The following PLCB1 variants were observed in gnomAD, a reference collection of about 807,000 sequenced individuals.
PLCB1 encodes phospholipase C beta 1, also known as 1-phosphatidylinositol 4,5-bisphosphate phosphodiesterase beta-1.
PLCB1 carries 46 observed loss-of-function variants against 161.8 expected under a neutral mutation model. The ratio of observed to expected loss-of-function variants is 0.28; its 90% CI spans 0.22 to 0.36. The LOEUF is 0.36. Ranked by LOEUF, PLCB1 falls within the 10% of genes least tolerant of loss-of-function variation. The pLI is 1.00. For missense variants in PLCB1, 1,016 were observed against 1,472.5 expected (o/e 0.69, Z 5.07); for synonymous variants, 517 against 503.7 (o/e 1.03, Z -0.35).
At chr20:8,434,562 A>T in intron 3 of PLCB1, among the ~76,000 whole-genome samples, 1 of 152,228 alleles carries the variant, frequency 6.6e-6, no homozygotes, top group South Asian at 2.1e-4. Flanking sequence ...TAGAAATATG[A>T]GAACTAATGT....
intron 3 of PLCB1, among the ~76,000 whole-genome samples, chr20:8,591,923 T>C (rs1987162401): frequency 6.6e-6 from 1 of 152,184 alleles, no homozygotes; most frequent in Admixed American, 6.5e-5. Context: ...AGAAGTGTTT[T>C]GAATTTCAAA....
At chr20:8,753,258 A>G (rs557814629) in intron 23 of PLCB1, among the ~76,000 whole-genome samples, 3 of 152,308 alleles carry the variant, frequency 2.0e-5, no homozygotes, top group Admixed American at 6.5e-5. Context: ...AATAATAGAA[A>G]TAAAGTGCAC....
chr20:8,506,187 T>C (rs971564563), intron 3 of PLCB1, among the ~76,000 whole-genome samples: 2 of 152,234 alleles, frequency 1.3e-5, no homozygotes, highest in Non-Finnish European at 2.9e-5. Flanking sequence ...TTTTGGAAGG[T>C]ATTATTTGCG....
intron 3 of PLCB1, among the ~76,000 whole-genome samples, chr20:8,558,459 G>T (rs1986035731): frequency 6.6e-6 from 1 of 151,768 alleles, no homozygotes; most frequent in South Asian, 2.1e-4. Context: ...ACACCATCAA[G>T]CATAACAATG....
intron 2 of PLCB1, among the ~76,000 whole-genome samples, chr20:8,347,479 G>A (rs1386506401): frequency 6.6e-6 from 1 of 152,198 alleles, no homozygotes; most frequent in Non-Finnish European, 1.5e-5. Context: ...TTGGAGCTAG[G>A]TGATATGTCT....
intron 4 of PLCB1, among the ~76,000 whole-genome samples, chr20:8,643,818 C>CCCCACGG (rs1989041277): frequency 7.2e-6 from 1 of 138,354 alleles, no homozygotes. Flanking sequence ...CTCTCCCTCT[C>CCCCACGG]TTTCCACGGT....
chr20:8,471,528 A>T (rs1374114476), intron 3 of PLCB1, among the ~76,000 whole-genome samples: 2 of 152,180 alleles, frequency 1.3e-5, no homozygotes, highest in East Asian at 3.9e-4. Context: ...CAGAATTAAT[A>T]TGGGAAGGAT....
At chr20:8,145,317 A>G (rs1165989679) in intron 1 of PLCB1, among the ~76,000 whole-genome samples, 1 of 152,144 alleles carries the variant, frequency 6.6e-6, no homozygotes, top group East Asian at 1.9e-4. Flanking sequence ...ATACTGGATT[A>G]GGGCCCACTC....
intron 2 of PLCB1, among the ~76,000 whole-genome samples, chr20:8,217,433 T>G (rs1270517879): frequency 6.6e-6 from 1 of 151,988 alleles, no homozygotes; most frequent in Non-Finnish European, 1.5e-5. Context: ...ACCCCATCTC[T>G]CCCTGAGGAT....
Position 8,850,467 on chromosome 20 carries a change from T to C in PLCB1, c.3424-31155T>C, listed in dbSNP as rs558344312. Among the ~76,000 whole-genome samples the C allele has an allele frequency of 3.9e-5, 6 of 152,358 alleles. 1 individual carries two copies. The highest frequency in any genetic ancestry group is 1.4e-4 in the African/African-American group (6 of 41,586). Reference sequence around the variant, plus strand: ...GGCTAAACTTCCCAAGGCAGTTGACTGGTGATTTTTCATTCTAACATCCGA... The same window carrying C: ...GGCTAAACTTCCCAAGGCAGTTGACCGGTGATTTTTCATTCTAACATCCGA... On this transcript the variant is annotated intron_variant, in intron 31 of 31. Transcript: ENST00000338037.
chr20:8,648,771 C>A (rs1180014338), intron 6 of PLCB1, among the ~76,000 whole-genome samples: 1 of 151,956 alleles, frequency 6.6e-6, no homozygotes, highest in Non-Finnish European at 1.5e-5. Context: ...GAGACTCTAT[C>A]TTTGCAAAAA....
rs375950955 is a variant in PLCB1 at position 8,685,059 on chromosome 20, G to C, written c.990G>C (p.Ser330=). Reference sequence around the variant, plus strand: ...TTTCTCACTATTTCATTAATTCCTCGCACAACACCTACCTCACAGGTATGA... The same window carrying C: ...TTTCTCACTATTTCATTAATTCCTCCCACAACACCTACCTCACAGGTATGA... The part of the protein sequence containing the change: ...QPLSHYFINS[S]HNTYLTAGQL... The change falls in exon 10 of 32, where the codon TCG becomes TCC. Residue 330 remains serine, a synonymous_variant. Transcript: ENST00000338037. The C allele has an allele frequency of 6.2e-7, 1 of 1,613,810 alleles. No homozygotes were observed. The highest frequency in any genetic ancestry group is 8.5e-7 in the Non-Finnish European group (1 of 1,179,860).
intron 2 of PLCB1, among the ~76,000 whole-genome samples, chr20:8,234,343 G>A (rs999983676): frequency 6.7e-6 from 1 of 149,358 alleles, no homozygotes; most frequent in African/African-American, 2.6e-5. Flanking sequence ...GCAGGGTGGA[G>A]TTACAGAAAT....
At chr20:8,422,344 GA>G (rs1344822834) in intron 3 of PLCB1, among the ~76,000 whole-genome samples, 4 of 152,284 alleles carry the variant, frequency 2.6e-5, no homozygotes, top group Non-Finnish European at 5.9e-5. Context: ...TCTGACAGGT[GA>G]AACATTTATA....
At chr20:8,628,477 C>T (rs770408914) in intron 4 of PLCB1, 46 bp downstream of exon 4, 47 of 1,601,380 alleles carry the variant, frequency 2.9e-5, no homozygotes, top group Non-Finnish European at 3.9e-5. Flanking sequence ...TGATCTGAAT[C>T]CTTGAGCTAT....
chr20:8,511,457 T>A (rs1408795773), intron 3 of PLCB1, among the ~76,000 whole-genome samples: 1 of 152,212 alleles, frequency 6.6e-6, no homozygotes, highest in Non-Finnish European at 1.5e-5. Context: ...ATATCTTGCC[T>A]GTTGTGAATA....
chr20:8,371,020 C>T (rs1168546714), intron 2 of PLCB1: 2 of 183,418 alleles, frequency 1.1e-5, no homozygotes, highest in Non-Finnish European at 2.3e-5. Context: ...CCTCCCTAAT[C>T]TTTCTCTCTA....
At chr20:8,544,905 G>A (rs527503123) in intron 3 of PLCB1, among the ~76,000 whole-genome samples, 4 of 152,274 alleles carry the variant, frequency 2.6e-5, no homozygotes, top group Admixed American at 2.0e-4. Flanking sequence ...AAAATTGAAA[G>A]TCACAGATTT....
At chr20:8,545,035 A>G (rs536549291) in intron 3 of PLCB1, among the ~76,000 whole-genome samples, 1 of 152,330 alleles carries the variant, frequency 6.6e-6, no homozygotes, top group South Asian at 2.1e-4. Context: ...AGGAGATGAC[A>G]GTCTAGAAGA....
Sources: allele counts gnomAD v4.1 joint callset (sites outside exome capture counted in the v4.1 genomes callset), GRCh38; gene constraint gnomAD v4.1.1; transcripts MANE v1.5; gene names NCBI Gene and HGNC (gene_info 2026-07-23, HGNC 2026-07-21).